The following LMF1 variants were observed in gnomAD, a reference collection of about 807,000 sequenced individuals.
LMF1 encodes transmembrane protein 112.
LMF1 carries 68 observed loss-of-function variants against 60.6 expected under a neutral mutation model. That is an observed-to-expected ratio of 1.12 (90% CI 0.92 to 1.37). The LOEUF (loss-of-function observed/expected upper bound fraction) is 1.37, where lower values mean the gene tolerates loss of function less well. Among genes scored for constraint, LMF1 ranks in the 40% most tolerant of loss-of-function variants. LMF1 has a pLI of 0.00. For synonymous variants in LMF1, 418 were observed against 324.7 expected (o/e 1.29, Z -3.09); for missense variants, 948 against 767.2 (o/e 1.24, Z -2.78).
At chr16:923,421 C>G (rs1279300210) in intron 3 of LMF1, among the ~76,000 whole-genome samples, 1 of 152,110 alleles carries the variant, frequency 6.6e-6, no homozygotes. Context: ...TAACGGGCAC[C>G]CCAGCACCCA....
chr16:952,856 C>G (rs1257976954), intron 2 of LMF1, among the ~76,000 whole-genome samples: 9 of 131,772 alleles, frequency 6.8e-5, no homozygotes, highest in East Asian at 2.1e-4. Context: ...CACAGACACC[C>G]ACCCCAAACC....
rs1441361138 is a variant in LMF1 at position 943,320 on chromosome 16, G to A, written c.504-9066C>T. ...CAGGAGGTGGAGCTTGCAGTGAGCCGAGATCGCGCCACTGCACTCCAGCCT... is the reference window on the plus strand; with the variant it reads ...CAGGAGGTGGAGCTTGCAGTGAGCCAAGATCGCGCCACTGCACTCCAGCCT... On this transcript the variant is annotated intron_variant, in intron 2 of 10. Coordinates refer to ENST00000262301, the MANE Select transcript of LMF1 (RefSeq NM_022773.4). Among the ~76,000 whole-genome samples, 10 of 148,088 alleles carry A rather than the reference G, an allele frequency of 6.8e-5. No homozygotes were observed. The South Asian group carries it at 8.6e-4, about 13-fold the overall frequency.
intron 6 of LMF1, among the ~76,000 whole-genome samples, chr16:876,262 C>T (rs1020701611): frequency 6.6e-6 from 1 of 152,172 alleles, no homozygotes; most frequent in African/African-American, 2.4e-5. Context: ...AGCCAGTCCG[C>T]AAAGGCTGCA....
intron 2 of LMF1, among the ~76,000 whole-genome samples, chr16:946,550 G>A (rs184228120): frequency 1.1e-3 from 173 of 152,360 alleles, no homozygotes; most frequent in African/African-American, 4.0e-3. Context: ...GTGAGGCCCG[G>A]ACAGTCCTGG....
intron 10 of LMF1, among the ~76,000 whole-genome samples, chr16:859,249 G>A (rs1337336543): frequency 9.0e-4 from 104 of 115,318 alleles, no homozygotes; most frequent in Non-Finnish European, 1.4e-3. Flanking sequence ...CGGGTGTGCA[G>A]TGGTGTCACG....
At chr16:945,048 T>A (rs2072202734) in intron 2 of LMF1, among the ~76,000 whole-genome samples, 1 of 151,232 alleles carries the variant, frequency 6.6e-6, no homozygotes, top group South Asian at 2.1e-4. Context: ...CCATCTCTAC[T>A]AAAAGTATAA....
intron 3 of LMF1, among the ~76,000 whole-genome samples, chr16:914,577 CTCCCT>C: frequency 6.7e-6 from 1 of 148,532 alleles, no homozygotes; most frequent in East Asian, 2.0e-4. Context: ...CCCTCTTTCC[CTCCCT>C]TCCCATGACC....
intron 4 of LMF1, among the ~76,000 whole-genome samples, chr16:895,579 G>A (rs866823231): frequency 1.2e-4 from 18 of 152,190 alleles, no homozygotes; most frequent in African/African-American, 4.3e-4. Context: ...GGGGAGGGGC[G>A]TGTCCAATTC....
rs113369265 is a variant in LMF1 at position 902,689 on chromosome 16, G to A, written c.663+8242C>T. 301 of 157,452 alleles carry A rather than the reference G, an allele frequency of 1.9e-3. 2 individuals carry two copies. The highest frequency in any genetic ancestry group is 7.1e-3 in the African/African-American group (280 of 39,588). The allele number at this position is 157,452 out of a possible 1,614,324, so 9.8% of individuals were successfully genotyped here. On this transcript the variant is annotated intron_variant, in intron 4 of 10. Transcript: ENST00000262301. ...GGGTGACCTCTGCACTGCCTGTGGGGACGCCCGTCTCTGCTGCGTGGTGGT... is the reference window on the plus strand; with the variant it reads ...GGGTGACCTCTGCACTGCCTGTGGGAACGCCCGTCTCTGCTGCGTGGTGGT...
At chr16:888,009 C>T (rs1030630782) in intron 5 of LMF1, among the ~76,000 whole-genome samples, 5 of 152,180 alleles carry the variant, frequency 3.3e-5, no homozygotes, top group African/African-American at 1.2e-4. Context: ...TGGCCTGGGC[C>T]CCAGCGGTGA....
Position 857,335 on chromosome 16 carries a change from C to T in LMF1, c.1530-2629G>A, listed in dbSNP as rs148243776. 8.1e-3 allele frequency among the ~76,000 whole-genome samples: 1,230 copies of T among 152,336 alleles called. 12 individuals are homozygous for T. Among genetic ancestry groups the T allele is most frequent in the Middle Eastern group, 0.02 (6 of 294 alleles). ...TGTCCTTTTTGAGGAGCCATTTTACCCTCCCAGCAACAGCCGAGTGACTCG... is the reference window on the plus strand; with the variant it reads ...TGTCCTTTTTGAGGAGCCATTTTACTCTCCCAGCAACAGCCGAGTGACTCG... On this transcript the variant is annotated intron_variant, in intron 10 of 10. Transcript: ENST00000262301.
intron 1 of LMF1, chr16:976,489 C>A (rs772718324): frequency 4.4e-6 from 2 of 454,124 alleles, no homozygotes. Flanking sequence ...CCTCCCTCGA[C>A]GGAAGGTGAC....
rs138742824 is a variant in LMF1, at chr16:960,546, G to A, written c.194-5880C>T. 5.7e-3 allele frequency among the ~76,000 whole-genome samples: 736 copies of A among 128,940 alleles called. 44 individuals carry two copies. The highest frequency in any genetic ancestry group is 0.049 in the South Asian group (172 of 3,492). The allele number at this position is 128,940 out of a possible 152,430, so 84.6% of individuals were successfully genotyped here. ...TCTCATGGTGACAACACGGGATCAC[G>A]ACCCAGACACAGACTCACGGTGACA... On this transcript the variant is annotated intron_variant, in intron 1 of 10. Transcript: ENST00000262301.
At position 878,515 on chromosome 16, in the gene LMF1, G is replaced by A. The variant is rs2070060764; in HGVS notation, c.897+1055C>T. On this transcript the variant is annotated intron_variant, in intron 6 of 10. Coordinates refer to ENST00000262301, the MANE Select transcript of LMF1 (RefSeq NM_022773.4). The surrounding 1 kb of genome is among the most constrained non-coding windows in gnomAD (Gnocchi z 5.2). ...GCCCTTGAAAATACATCCACAGGAT[G>A]ACGAGATTGCACCTCTGCACGGCAG... Among the ~76,000 whole-genome samples the A allele has an allele frequency of 6.6e-6, 1 of 152,232 alleles. No homozygotes were observed. Among genetic ancestry groups the A allele is most frequent in the Non-Finnish European group, 1.5e-5 (1 of 68,042 alleles).
At position 935,571 on chromosome 16, in the gene LMF1, T is replaced by TAAAAA. The variant is rs10674839; in HGVS notation, c.504-1322_504-1318dup. ...CTAACACTAGTGACAGCTGATGAGC[T>TAAAAA]AAAAAAAAAAAAACTCATAATGTTT... On this transcript the variant is annotated intron_variant, in intron 2 of 10. Coordinates refer to ENST00000262301, the MANE Select transcript of LMF1 (RefSeq NM_022773.4). Among the ~76,000 whole-genome samples, 721 of 142,400 alleles carry TAAAAA rather than the reference T, an allele frequency of 5.1e-3. 23 individuals carry two copies. Among genetic ancestry groups the TAAAAA allele is most frequent in the African/African-American group, 0.016 (620 of 37,876 alleles). The allele number at this position is 142,400 out of a possible 152,430, so 93.4% of individuals were successfully genotyped here.
intron 10 of LMF1, chr16:855,295 T>C: frequency 4.0e-6 from 1 of 252,584 alleles, no homozygotes; most frequent in Non-Finnish European, 7.8e-6. Context: ...CTGGCTGCTC[T>C]CCTCTGTCAT....
At chr16:963,175 C>G (rs1597084619) in intron 1 of LMF1, among the ~76,000 whole-genome samples, 1 of 151,956 alleles carries the variant, frequency 6.6e-6, no homozygotes, top group Admixed American at 6.5e-5. Flanking sequence ...GGTCGCAGGG[C>G]GGGAAACAGG....
intron 3 of LMF1, among the ~76,000 whole-genome samples, chr16:925,417 C>A (rs2151772905): frequency 6.6e-6 from 1 of 152,248 alleles, no homozygotes; most frequent in Middle Eastern, 3.4e-3. Flanking sequence ...GTGAATGAGA[C>A]AAAATGGCCT....
At chr16:941,205 C>T (rs1357435361) in intron 2 of LMF1, among the ~76,000 whole-genome samples, 1 of 152,044 alleles carries the variant, frequency 6.6e-6, no homozygotes, top group Non-Finnish European at 1.5e-5. Context: ...TTGAAAACTG[C>T]ATATACTTGA....
Sources: allele counts gnomAD v4.1 joint callset (sites outside exome capture counted in the v4.1 genomes callset), GRCh38; gene constraint gnomAD v4.1.1; non-coding constraint Gnocchi (gnomAD v3.1); transcripts MANE v1.5; gene names NCBI Gene and HGNC (gene_info 2026-07-23, HGNC 2026-07-21).